NAALADL2: variants seen among roughly 807,000 people sequenced by gnomAD.
NAALADL2 encodes the protein N-acetylated alpha-linked acidic dipeptidase like 2, also known as inactive N-acetylated-alpha-linked acidic dipeptidase-like protein 2.
In NAALADL2, 76 loss-of-function variants were observed where a neutral mutation model predicts 87.2. The ratio of observed to expected loss-of-function variants is 0.87; its 90% CI spans 0.72 to 1.05. The LOEUF (loss-of-function observed/expected upper bound fraction) is 1.05. NAALADL2 is among the 50% of genes least tolerant of loss of function. The pLI, the probability that NAALADL2 is intolerant of heterozygous loss-of-function variation, is 0.00. For synonymous variants in NAALADL2, 354 were observed against 331.0 expected, an observed-to-expected ratio of 1.07 and a Z score of -0.75; for missense variants, 1,089 against 945.8, an observed-to-expected ratio of 1.15 and a Z score of -1.99.
chr3:175,776,022 T>C (rs887064712), intron 13 of NAALADL2, among the ~76,000 whole-genome samples: 2 of 152,100 alleles, frequency 1.3e-5, no homozygotes, highest in African/African-American at 4.8e-5. Context: ...GTAAAAGCGA[T>C]TTTTTCCAAA....
At chr3:174,855,817 CACAT>C (rs1472979590), upstream of NAALADL2, among the ~76,000 whole-genome samples, 891 of 114,414 alleles carry the variant, frequency 7.8e-3, 21 homozygotes, top group African/African-American at 0.028. Flanking sequence ...CACACACACA[CACAT>C]GTATATGTCT....
intron 9 of NAALADL2, among the ~76,000 whole-genome samples, chr3:175,473,645 G>C (rs1213194535): frequency 6.6e-6 from 1 of 151,228 alleles, no homozygotes; most frequent in Non-Finnish European, 1.5e-5. Flanking sequence ...ATATATAAAG[G>C]TTTATACATT....
intron 9 of NAALADL2, among the ~76,000 whole-genome samples, chr3:175,490,064 T>A (rs1727836504): frequency 6.6e-6 from 1 of 152,164 alleles, no homozygotes; most frequent in African/African-American, 2.4e-5. Context: ...CCCATCTCTC[T>A]GTCAACAATG....
At chr3:175,498,180 G>T (rs1371803158) in intron 9 of NAALADL2, among the ~76,000 whole-genome samples, 1 of 152,018 alleles carries the variant, frequency 6.6e-6, no homozygotes, top group Admixed American at 6.6e-5. Flanking sequence ...ACGAATGAAA[G>T]AATGCCTACA....
Position 175,094,757 on chromosome 3 carries a change from AGTGTGTGT to A in NAALADL2, c.44-2007_44-2000del, listed in dbSNP as rs369083345. On this transcript the variant is annotated intron_variant, in intron 1 of 13. Coordinates refer to ENST00000454872, the MANE Select transcript of NAALADL2 (RefSeq NM_207015.3). ...TTAAAAAAAAAGCACCAGACACTAT[AGTGTGTGT>A]GTGTGTGTGTGTGTGTGTGTGTGTG... is the stretch of plus-strand genomic sequence containing the variant. 4.8e-3 allele frequency among the ~76,000 whole-genome samples: 610 copies of A among 126,056 alleles called. 6 individuals carry two copies. The highest frequency in any genetic ancestry group is 0.016 in the African/African-American group (587 of 37,130). The allele number at this position is 126,056 out of a possible 152,430, so 82.7% of individuals were successfully genotyped here.
At chr3:175,567,047 T>G (rs1489800957) in intron 9 of NAALADL2, among the ~76,000 whole-genome samples, 1 of 152,236 alleles carries the variant, frequency 6.6e-6, no homozygotes, top group Non-Finnish European at 1.5e-5. Context: ...TGGATTCATC[T>G]GGAACTTACT....
chr3:175,040,621 T>C (rs1753957808), intron 1 of NAALADL2, among the ~76,000 whole-genome samples: 2 of 152,186 alleles, frequency 1.3e-5, no homozygotes. Context: ...TCTATAACAC[T>C]AATAACCTTT....
intron 2 of NAALADL2, among the ~76,000 whole-genome samples, chr3:174,731,106 C>T (rs879632677): frequency 6.6e-6 from 1 of 151,890 alleles, no homozygotes; most frequent in Admixed American, 6.6e-5. Context: ...AAAGTGCTAC[C>T]CACACACTAT....
chr3:175,619,425 CCTT>C (rs1201034351), intron 10 of NAALADL2, among the ~76,000 whole-genome samples: 1 of 151,048 alleles, frequency 6.6e-6, no homozygotes, highest in Non-Finnish European at 1.5e-5. Flanking sequence ...GCATAGAAAA[CCTT>C]CTTCTAGTAT....
intron 1 of NAALADL2, among the ~76,000 whole-genome samples, chr3:174,525,473 T>A (rs1720658193): frequency 1.3e-5 from 2 of 152,102 alleles, no homozygotes; most frequent in Admixed American, 1.3e-4. Context: ...AGATCTTGTG[T>A]GAACCGAGTG....
intron 1 of NAALADL2, among the ~76,000 whole-genome samples, chr3:174,549,931 A>G (rs554740068): frequency 1.1e-4 from 17 of 151,896 alleles, no homozygotes; most frequent in Admixed American, 2.6e-4. Context: ...AGAAAAAAAT[A>G]CTTTCTTTGG....
chr3:174,920,857 G>T (rs951849864), intron 1 of NAALADL2, among the ~76,000 whole-genome samples: 2 of 152,016 alleles, frequency 1.3e-5, no homozygotes, highest in Admixed American at 1.3e-4. Context: ...GTAATTAATT[G>T]TCCTAATTTC....
At chr3:175,595,812 G>T (rs995536214) in intron 10 of NAALADL2, among the ~76,000 whole-genome samples, 1 of 151,854 alleles carries the variant, frequency 6.6e-6, no homozygotes. Context: ...TGACCATACT[G>T]CCCCCAAACA....
chr3:174,714,076 G>A (rs1578652373), intron 2 of NAALADL2, among the ~76,000 whole-genome samples: 1 of 152,048 alleles, frequency 6.6e-6, no homozygotes, highest in South Asian at 2.1e-4. Context: ...CCCATTTCTT[G>A]TTTTTGTCAG....
At chr3:175,374,441 C>G (rs1391278925) in intron 5 of NAALADL2, among the ~76,000 whole-genome samples, 1 of 149,874 alleles carries the variant, frequency 6.7e-6, no homozygotes, top group Non-Finnish European at 1.5e-5. Flanking sequence ...GTAATCCCAG[C>G]TACTCAGGAG....
At position 175,101,424 on chromosome 3, in the gene NAALADL2, G is replaced by A. The variant is rs552727359; in HGVS notation, c.545+4133G>A. 2.0e-4 allele frequency among the ~76,000 whole-genome samples: 31 copies of A among 152,270 alleles called. No homozygotes were observed. The South Asian group carries it at 3.5e-3, about 17-fold the overall frequency. ...TGTATAAACCATGTTTACCTAGGACGGTTGAGAAAGCTCTTTAACTTAGAA... is the reference window on the plus strand; with the variant it reads ...TGTATAAACCATGTTTACCTAGGACAGTTGAGAAAGCTCTTTAACTTAGAA... On this transcript the variant is annotated intron_variant, in intron 2 of 13. Transcript: ENST00000454872.
intron 1 of NAALADL2, among the ~76,000 whole-genome samples, chr3:174,933,125 A>C (rs1208342420): frequency 6.6e-6 from 1 of 152,164 alleles, no homozygotes; most frequent in African/African-American, 2.4e-5. Flanking sequence ...CTCAAAAAGA[A>C]AAATTGTAAT....
At chr3:175,309,053 C>T (rs564261751) in intron 4 of NAALADL2, among the ~76,000 whole-genome samples, 3 of 152,180 alleles carry the variant, frequency 2.0e-5, no homozygotes, top group East Asian at 1.9e-4. Flanking sequence ...CAATTAAATA[C>T]ATTAATTTCA....
chr3:175,479,820 G>A (rs1862073), intron 9 of NAALADL2, among the ~76,000 whole-genome samples: 91,233 of 151,480 alleles, frequency 0.6, 29,528 homozygotes, highest in East Asian at 0.89. Context: ...TGAGAATTAT[G>A]AAATAAATTG....
Sources: allele counts gnomAD v4.1 joint callset (sites outside exome capture counted in the v4.1 genomes callset), GRCh38; gene constraint gnomAD v4.1.1; transcripts MANE v1.5; gene names NCBI Gene and HGNC (gene_info 2026-07-23, HGNC 2026-07-21).